Variants in CPA6 observed in about 807,000 individuals in gnomAD.
The protein encoded by CPA6 is carboxypeptidase B.
In CPA6, 58 loss-of-function variants were observed where a neutral mutation model predicts 63.3. The observed-to-expected ratio is 0.92, with a 90% CI of 0.74 to 1.14. The LOEUF is 1.14. Among genes scored for constraint, CPA6 ranks in the 50% most tolerant of loss-of-function variants. The pLI, the probability that CPA6 is intolerant of heterozygous loss-of-function variation, is 0.00. For synonymous variants in CPA6, 185 were observed against 179.0 expected (o/e 1.03, Z -0.27); for missense variants, 565 against 526.6 (o/e 1.07, Z -0.71).
At position 67,698,437 on chromosome 8, in the gene CPA6, A is replaced by G. The variant is rs369233262; in HGVS notation, c.116+47577T>C. On this transcript the variant is annotated intron_variant, in intron 1 of 10. Transcript: ENST00000297770. ...CCTCTTTTTTCCAGGAGAATTTCCTATGATTATTCCAATTGGGATCCTCCA... is the reference window on the plus strand; with the variant it reads ...CCTCTTTTTTCCAGGAGAATTTCCTGTGATTATTCCAATTGGGATCCTCCA... Among the ~76,000 whole-genome samples the G allele has an allele frequency of 3.3e-5, 5 of 152,272 alleles. No individual in the cohort carries two copies. In the East Asian group the frequency reaches 5.8e-4, roughly 18 times the overall value.
intron 2 of CPA6, among the ~76,000 whole-genome samples, chr8:67,520,004 G>A (rs1812227949): frequency 1.3e-5 from 2 of 151,986 alleles, no homozygotes; most frequent in African/African-American, 2.4e-5. Flanking sequence ...GAAAAAGCAT[G>A]TTGGTATCTT....
chr8:67,561,143 C>A (rs188139126), intron 2 of CPA6, among the ~76,000 whole-genome samples: 89 of 152,216 alleles, frequency 5.8e-4, no homozygotes, highest in African/African-American at 1.9e-3. Context: ...ATAATTACTA[C>A]AAATTGCTTA....
intron 2 of CPA6, among the ~76,000 whole-genome samples, chr8:67,576,554 G>A (rs889420652): frequency 2.0e-5 from 3 of 152,158 alleles, no homozygotes; most frequent in Non-Finnish European, 2.9e-5. Context: ...GGAATCATAC[G>A]TGCTCCACTA....
chr8:67,693,338 C>T (rs139760711), intron 1 of CPA6, among the ~76,000 whole-genome samples: 1 of 152,284 alleles, frequency 6.6e-6, no homozygotes, highest in African/African-American at 2.4e-5. Context: ...TATAAACTAC[C>T]AGGAAGAACA....
At chr8:67,688,974 GTTATTA>G (rs548820087) in intron 1 of CPA6, among the ~76,000 whole-genome samples, 8 of 134,560 alleles carry the variant, frequency 5.9e-5, no homozygotes, top group Non-Finnish European at 1.1e-4. Context: ...TCCTATTATT[GTTATTA>G]TTATTATTAT....
chr8:67,462,983 T>C (rs1275079550), intron 8 of CPA6, among the ~76,000 whole-genome samples: 2 of 152,198 alleles, frequency 1.3e-5, no homozygotes, highest in East Asian at 3.9e-4. Context: ...AGCCTCATAG[T>C]GGTAACAAGA....
chr8:67,682,288 T>C (rs776326396), intron 1 of CPA6, among the ~76,000 whole-genome samples: 4 of 152,248 alleles, frequency 2.6e-5, no homozygotes, highest in Admixed American at 6.5e-5. Context: ...TCAAGTTCAC[T>C]AGTCTTTTAT....
intron 1 of CPA6, among the ~76,000 whole-genome samples, chr8:67,736,706 C>T (rs955594178): frequency 2.9e-4 from 44 of 152,158 alleles, no homozygotes; most frequent in African/African-American, 1.1e-3. Context: ...TCTATTGACA[C>T]ATCAGTTTCT....
intron 6 of CPA6, among the ~76,000 whole-genome samples, chr8:67,492,900 G>A (rs1375485575): frequency 6.6e-6 from 1 of 152,162 alleles, no homozygotes. Flanking sequence ...GAAAGAGATA[G>A]GCTGGAAGAT....
At chr8:67,703,651 G>A (rs796668450) in intron 1 of CPA6, among the ~76,000 whole-genome samples, 23 of 152,288 alleles carry the variant, frequency 1.5e-4, no homozygotes, top group Middle Eastern at 3.4e-3. Flanking sequence ...GTCTGGCAGC[G>A]AAGACATGGA....
At chr8:67,699,238 C>A (rs1050695452) in intron 1 of CPA6, among the ~76,000 whole-genome samples, 1 of 152,002 alleles carries the variant, frequency 6.6e-6, no homozygotes, top group East Asian at 1.9e-4. Flanking sequence ...GGCAATGTGG[C>A]GAAGTCATGT....
intron 2 of CPA6, among the ~76,000 whole-genome samples, chr8:67,530,316 T>C (rs187083834): frequency 2.0e-5 from 3 of 151,128 alleles, no homozygotes; most frequent in African/African-American, 7.3e-5. Flanking sequence ...AATCAGAAAA[T>C]TAATACAAGA....
chr8:67,560,002 C>A (rs1813166399), intron 2 of CPA6, among the ~76,000 whole-genome samples: 1 of 151,942 alleles, frequency 6.6e-6, no homozygotes, highest in Non-Finnish European at 1.5e-5. Context: ...CCTTACTCAA[C>A]AGACGTCAAA....
chr8:67,634,579 T>TG (rs1435403038), intron 1 of CPA6, among the ~76,000 whole-genome samples: 1 of 151,594 alleles, frequency 6.6e-6, no homozygotes, highest in Non-Finnish European at 1.5e-5. Context: ...GATTACAATC[T>TG]GGGCTCCACC....
At chr8:67,561,442 T>C (rs1282366747) in intron 2 of CPA6, among the ~76,000 whole-genome samples, 3 of 152,200 alleles carry the variant, frequency 2.0e-5, no homozygotes, top group Admixed American at 6.5e-5. Flanking sequence ...ATGATTTTCT[T>C]GTGTTCCTGC....
intron 1 of CPA6, among the ~76,000 whole-genome samples, chr8:67,696,905 A>C (rs1017891455): frequency 1.3e-5 from 2 of 152,222 alleles, no homozygotes; most frequent in Non-Finnish European, 2.9e-5. Context: ...ATGTCCTAAA[A>C]CTAGACTTTG....
intron 8 of CPA6, among the ~76,000 whole-genome samples, chr8:67,447,542 CACACAT>C (rs547060556): frequency 2.0e-3 from 245 of 124,430 alleles, no homozygotes; most frequent in African/African-American, 0.011. Flanking sequence ...CACACACACA[CACACAT>C]ACACATTTTA....
intron 6 of CPA6, among the ~76,000 whole-genome samples, chr8:67,499,027 T>G (rs968105504): frequency 1.3e-5 from 2 of 152,234 alleles, no homozygotes; most frequent in African/African-American, 2.4e-5. Flanking sequence ...AATGAATTCA[T>G]TTTTGCAATT....
chr8:67,440,257 A>T (rs939961090), intron 8 of CPA6, among the ~76,000 whole-genome samples: 1 of 152,092 alleles, frequency 6.6e-6, no homozygotes, highest in African/African-American at 2.4e-5. Flanking sequence ...CATTCCAGCC[A>T]TGTATCACTT....
Sources: allele counts gnomAD v4.1 joint callset (sites outside exome capture counted in the v4.1 genomes callset), GRCh38; gene constraint gnomAD v4.1.1; transcripts MANE v1.5; gene names NCBI Gene and HGNC (gene_info 2026-07-23, HGNC 2026-07-21).